Variants in STK35 observed in about 807,000 individuals in gnomAD.
STK35 encodes serine/threonine-protein kinase 35.
Under a neutral mutation model 37.3 loss-of-function variants are expected in STK35, and 17 were observed. The ratio of observed to expected loss-of-function variants is 0.46; its 90% CI spans 0.31 to 0.68. The LOEUF is 0.68. Ranked by LOEUF, STK35 falls within the 30% of genes least tolerant of loss-of-function variation. STK35 has a pLI of 0.05. For synonymous variants in STK35, 385 were observed against 319.1 expected (o/e 1.21, Z -2.20); for missense variants, 595 against 746.7 (o/e 0.80, Z 2.37).
chr20:2,129,546 C>T (rs1314520926), intron 3 of STK35, among the ~76,000 whole-genome samples: 2 of 152,078 alleles, frequency 1.3e-5, no homozygotes, highest in African/African-American at 2.4e-5. Context: ...CAAGGGGACC[C>T]GTTAATTTTT....
At chr20:2,106,739 C>T (rs897099665) in intron 2 of STK35, among the ~76,000 whole-genome samples, 6 of 152,220 alleles carry the variant, frequency 3.9e-5, no homozygotes, top group Non-Finnish European at 5.9e-5. Context: ...TGTTCTTGGT[C>T]TTACCCCATT....
At chr20:2,123,198 G>A (rs1985848772) in intron 3 of STK35, among the ~76,000 whole-genome samples, 1 of 152,174 alleles carries the variant, frequency 6.6e-6, no homozygotes, top group African/African-American at 2.4e-5. Context: ...TTTGGAGTGG[G>A]CAGCTAAGGC....
In STK35 at chr20:2,116,965, G is replaced by A. The variant is rs1471911562; in HGVS notation, c.1192G>A (p.Gly398Ser). Residue 398 changes from glycine to serine, a missense_variant, in exon 3 of 4, where the codon GGC becomes AGC. Gly to Ser is a moderately conservative substitution (Grantham distance 56). Around this residue, in one of 3 missense-constraint regions of STK35, gnomAD observed 109 missense variants for 280.3 expected, o/e 0.39. Coordinates refer to ENST00000381482, the MANE Select transcript of STK35 (RefSeq NM_080836.4). ...TGGGCTGGCACCCCGAGGCAAAGAG[G>A]GCAATCAAGACAACAAAAATGTGAA... ...CAGLAPRGKE[G>S]NQDNKNVNVN... 6.2e-7 allele frequency: 1 copy of A among 1,613,984 alleles called. No individual in the cohort carries two copies. The highest frequency in any genetic ancestry group is 1.3e-5 in the African/African-American group (1 of 74,890).
At chr20:2,143,446 G>A (rs1986203112) in intron 3 of STK35, among the ~76,000 whole-genome samples, 1 of 152,194 alleles carries the variant, frequency 6.6e-6, no homozygotes, top group Admixed American at 6.5e-5. Flanking sequence ...ACTATCCAGG[G>A]TGGGCCCTGC....
chr20:2,143,355 C>T, intron 3 of STK35, among the ~76,000 whole-genome samples: 1 of 152,170 alleles, frequency 6.6e-6, no homozygotes. Context: ...TGTGGCGTTT[C>T]TAACAAACAG....
intron 3 of STK35, among the ~76,000 whole-genome samples, chr20:2,124,750 C>A (rs947436): frequency 9.9e-5 from 15 of 152,182 alleles, no homozygotes; most frequent in African/African-American, 3.6e-4. Flanking sequence ...CTGTGAAGAC[C>A]CTAGTGGCGC....
At chr20:2,123,416 G>A (rs796974908) in intron 3 of STK35, among the ~76,000 whole-genome samples, 3 of 152,246 alleles carry the variant, frequency 2.0e-5, no homozygotes, top group African/African-American at 7.2e-5. Context: ...TTGGCCCCTT[G>A]ACCTGCGCTT....
At chr20:2,127,695 G>T (rs758578669) in intron 3 of STK35, among the ~76,000 whole-genome samples, 1 of 152,098 alleles carries the variant, frequency 6.6e-6, no homozygotes, top group Non-Finnish European at 1.5e-5. Context: ...GTACCAACAG[G>T]TATAGCAGGA....
rs1986277186 is a variant in STK35, at chr20:2,146,807, A to G, written c.*3061A>G. 1 of 152,348 alleles carries G rather than the reference A, an allele frequency of 6.6e-6. No individual in the cohort carries two copies. Among genetic ancestry groups the G allele is most frequent in the Non-Finnish European group, 1.5e-5 (1 of 68,122 alleles). The allele number at this position is 152,348 out of a possible 1,614,324, so 9.4% of individuals were successfully genotyped here. A position where few individuals can be genotyped will look rare whatever the true frequency, so the allele number is the denominator to read the frequency against. ...TCGCAGCTATAGCCCAGGACAGAAA[A>G]ACTGTGCTTTGGACAGGTGCACACT... On this transcript the variant is annotated 3_prime_UTR_variant, in exon 4 of 4. Transcript: ENST00000381482.
rs1162181125 is a variant in STK35, at chr20:2,117,491, A to G, written c.*37+76A>G. On this transcript the variant is annotated intron_variant, in intron 3 of 3. Transcript: ENST00000381482. This position sits in a 1 kb window ranked among gnomAD's most constrained non-coding sequence, Gnocchi z 4.4. ...CACTCTGTTGGTCAGGCTGGGGTGC[A>G]GCGGGTGCAGTGGCAGGATCTCAGC... 9 of 805,292 alleles carry G rather than the reference A, an allele frequency of 1.1e-5. No homozygotes were observed. Among genetic ancestry groups the G allele is most frequent in the Non-Finnish European group, 1.7e-5 (9 of 525,768 alleles). The allele number at this position is 805,292 out of a possible 1,614,324, so 49.9% of individuals were successfully genotyped here. A position where few individuals can be genotyped will look rare whatever the true frequency, so the allele number is the denominator to read the frequency against.
chr20:2,137,816 G>C (rs188185151), intron 3 of STK35, among the ~76,000 whole-genome samples: 8 of 145,546 alleles, frequency 5.5e-5, no homozygotes, highest in African/African-American at 2.2e-4. Context: ...GGGCTGGCAT[G>C]TTGATGTCTG....
intron 3 of STK35, among the ~76,000 whole-genome samples, chr20:2,130,907 G>A (rs2122574591): frequency 6.6e-6 from 1 of 152,230 alleles, no homozygotes; most frequent in Middle Eastern, 3.4e-3. Context: ...AGAGGGCGTG[G>A]GTAGAGGTTG....
In STK35 at chr20:2,121,373, C is replaced by G. The variant is rs982093830; in HGVS notation, c.*37+3958C>G. 6.6e-5 allele frequency among the ~76,000 whole-genome samples: 10 copies of G among 152,072 alleles called. No homozygotes were observed. In the South Asian group the frequency reaches 2.1e-3, roughly 32 times the overall value. On this transcript the variant is annotated intron_variant, in intron 3 of 3. Coordinates refer to ENST00000381482, the MANE Select transcript of STK35 (RefSeq NM_080836.4). The stretch of plus-strand genomic sequence containing the variant: ...AGTCAGAGCCAGCAGGATTTCCGGC[C>G]GGATCATATGGGAGGTGTGAGAGAA...
chr20:2,129,499 C>A (rs1985962622), intron 3 of STK35, among the ~76,000 whole-genome samples: 1 of 152,034 alleles, frequency 6.6e-6, no homozygotes, highest in African/African-American at 2.4e-5. Flanking sequence ...CATGTGTTTC[C>A]CCCTCCCCCA....
chr20:2,116,263 T>G (rs1471075030), intron 2 of STK35, among the ~76,000 whole-genome samples: 1 of 152,016 alleles, frequency 6.6e-6, no homozygotes, highest in Non-Finnish European at 1.5e-5. Context: ...AGAGGGAAGG[T>G]CATTTGCTCA....
intron 2 of STK35, among the ~76,000 whole-genome samples, chr20:2,106,469 A>G (rs975959655): frequency 7.2e-5 from 11 of 152,222 alleles, no homozygotes; most frequent in South Asian, 2.1e-4. Flanking sequence ...CCTTGCCCCA[A>G]TGGAACTTAC....
intron 3 of STK35, among the ~76,000 whole-genome samples, chr20:2,124,758 C>T (rs1985876339): frequency 1.3e-5 from 2 of 152,130 alleles, no homozygotes; most frequent in African/African-American, 2.4e-5. Context: ...ACCCTAGTGG[C>T]GCTAGATACC....
chr20:2,104,634 T>C (rs1323166810), intron 2 of STK35, among the ~76,000 whole-genome samples: 1 of 151,862 alleles, frequency 6.6e-6, no homozygotes, highest in African/African-American at 2.4e-5. Context: ...TTGGAGGGGG[T>C]GGTTTCCCAA....
rs752117676 is a variant in STK35 at position 2,148,412 on chromosome 20, T to C, written c.*4666T>C. On this transcript the variant is annotated 3_prime_UTR_variant, in exon 4 of 4. Transcript: ENST00000381482. Reference sequence around the variant, plus strand: ...ATTTTTTGTACTTGGTTTACTTGGGTTGGTATGATACATTATATTTAAGTT... The same window carrying C: ...ATTTTTTGTACTTGGTTTACTTGGGCTGGTATGATACATTATATTTAAGTT... 6.6e-6 allele frequency: 1 copy of C among 152,662 alleles called. No homozygotes were observed. The highest frequency in any genetic ancestry group is 1.5e-5 in the Non-Finnish European group (1 of 68,050). 9.5% of individuals were successfully genotyped at this position (152,662 alleles called of 1,614,324 possible).
Sources: allele counts gnomAD v4.1 joint callset (sites outside exome capture counted in the v4.1 genomes callset), GRCh38; gene constraint gnomAD v4.1.1; regional missense constraint gnomAD v4.1.1; non-coding constraint Gnocchi (gnomAD v3.1); transcripts MANE v1.5; gene names NCBI Gene and HGNC (gene_info 2026-07-23, HGNC 2026-07-21).